LRRTM4: variants seen among roughly 807,000 people sequenced by gnomAD.
The protein encoded by LRRTM4 is leucine-rich repeat transmembrane neuronal protein 4.
Under a neutral mutation model 47.6 loss-of-function variants are expected in LRRTM4, and 25 were observed. The observed-to-expected ratio is 0.53, with a 90% CI of 0.38 to 0.73. The LOEUF (loss-of-function observed/expected upper bound fraction) is 0.73. LRRTM4 is among the 30% of genes least tolerant of loss of function. The probability of loss-of-function intolerance (pLI) is 0.00; values close to 1 mark genes in which losing one functional copy is unlikely to be tolerated. For synonymous variants in LRRTM4, 311 were observed against 269.5 expected (o/e 1.15, Z -1.51); for missense variants, 638 against 713.4 (o/e 0.89, Z 1.20).
At chr2:77,159,054 G>A (rs1672636858) in intron 3 of LRRTM4, among the ~76,000 whole-genome samples, 1 of 152,010 alleles carries the variant, frequency 6.6e-6, no homozygotes, top group South Asian at 2.1e-4. Context: ...TTTAACAGTT[G>A]CTAAATTTGA....
At chr2:77,081,044 G>C (rs1680512393) in intron 3 of LRRTM4, among the ~76,000 whole-genome samples, 1 of 152,022 alleles carries the variant, frequency 6.6e-6, no homozygotes, top group Admixed American at 6.6e-5. Context: ...ATTTCTCAAT[G>C]CCTCCCATGC....
At chr2:76,951,508 C>T (rs1440447829) in intron 3 of LRRTM4, among the ~76,000 whole-genome samples, 6 of 151,636 alleles carry the variant, frequency 4.0e-5, no homozygotes, top group Non-Finnish European at 8.8e-5. Context: ...TTTGTTTGTT[C>T]CAAATAATAT....
At chr2:76,792,455 T>C (rs900922874) in intron 3 of LRRTM4, among the ~76,000 whole-genome samples, 2 of 152,118 alleles carry the variant, frequency 1.3e-5, no homozygotes, top group African/African-American at 4.8e-5. Flanking sequence ...ACTATGGTAA[T>C]CCAAAGATAG....
At chr2:77,026,934 C>T (rs1460653256) in intron 3 of LRRTM4, among the ~76,000 whole-genome samples, 1 of 152,008 alleles carries the variant, frequency 6.6e-6, no homozygotes, top group African/African-American at 2.4e-5. Flanking sequence ...AAATATATGG[C>T]ACAACTTAAT....
chr2:77,519,060 G>T lies in LRRTM4; in HGVS notation c.809C>A (p.Pro270Gln). Residue 270 changes from proline to glutamine, a missense_variant, in exon 3 of 4, where the codon CCG (proline) becomes CAG (glutamine). Coordinates refer to ENST00000409884, the MANE Select transcript of LRRTM4 (RefSeq NM_001134745.3). This position sits in a 1 kb window ranked among gnomAD's most constrained non-coding sequence, Gnocchi z 4.6. ...LSGNDIQGIE[P>Q]GTFKCLPNLQ... ...ATTGGGGAGGCATTTAAATGTGCCC[G>T]GCTCAATTCCTTGGATGTCATTCCC... is the stretch of plus-strand genomic sequence containing the variant. 1 of 1,612,450 alleles carries T rather than the reference G, an allele frequency of 6.2e-7. No homozygotes were observed. The highest frequency in any genetic ancestry group is 2.2e-5 in the East Asian group (1 of 44,768).
intron 3 of LRRTM4, among the ~76,000 whole-genome samples, chr2:77,012,676 C>A (rs2104072382): frequency 6.6e-6 from 1 of 152,130 alleles, no homozygotes; most frequent in Non-Finnish European, 1.5e-5. Context: ...GAACTGGGAC[C>A]CAGAAGCATG....
At chr2:77,401,514 C>T (rs1429625781) in intron 3 of LRRTM4, among the ~76,000 whole-genome samples, 2 of 151,758 alleles carry the variant, frequency 1.3e-5, no homozygotes, top group Admixed American at 6.6e-5. Flanking sequence ...AGAATATAAG[C>T]CATAGACTTT....
chr2:76,918,689 A>G (rs1043722441), intron 3 of LRRTM4, among the ~76,000 whole-genome samples: 5 of 152,068 alleles, frequency 3.3e-5, no homozygotes, highest in Non-Finnish European at 5.9e-5. Context: ...TTTTTTCTTA[A>G]TAACAGCCTA....
At chr2:77,436,160 A>G (rs1369707105) in intron 3 of LRRTM4, among the ~76,000 whole-genome samples, 4 of 152,182 alleles carry the variant, frequency 2.6e-5, no homozygotes, top group Admixed American at 6.5e-5. Context: ...TTGATAAAAC[A>G]TGCTGCATAT....
chr2:76,947,304 T>C (rs1390898386), intron 3 of LRRTM4, among the ~76,000 whole-genome samples: 3 of 151,874 alleles, frequency 2.0e-5, no homozygotes, highest in Non-Finnish European at 4.4e-5. Context: ...ATTAACACTA[T>C]CTTCATTTTA....
intron 3 of LRRTM4, among the ~76,000 whole-genome samples, chr2:77,499,670 G>T (rs76059648): frequency 0.024 from 3,636 of 151,896 alleles, 77 homozygotes; most frequent in East Asian, 0.13. Context: ...TTACGACTAA[G>T]CCTATTTTAT....
chr2:76,979,841 T>C (rs977579351), intron 3 of LRRTM4, among the ~76,000 whole-genome samples: 22 of 151,980 alleles, frequency 1.4e-4, no homozygotes, highest in Admixed American at 1.4e-3. Context: ...TTTAGATTCC[T>C]ATCTGGTTTC....
At chr2:76,754,749 TAAC>T (rs1325938623) in intron 3 of LRRTM4, among the ~76,000 whole-genome samples, 1 of 152,180 alleles carries the variant, frequency 6.6e-6, no homozygotes, top group African/African-American at 2.4e-5. Context: ...TTGACCACTA[TAAC>T]ACAGTGACAG....
chr2:76,854,851 G>A lies in LRRTM4; in HGVS notation c.1552-105935C>T, dbSNP rs373040430. Among the ~76,000 whole-genome samples, 11 of 149,268 alleles carry A rather than the reference G, an allele frequency of 7.4e-5. No homozygotes were observed. The East Asian group carries it at 9.8e-4, about 13-fold the overall frequency. On this transcript the variant is annotated intron_variant, in intron 3 of 3. Transcript: ENST00000409884. ...CACAGAGCTAAAATTCTATAAGGGC[G>A]AGAAAGACCATCAACAATCAACATA...
chr2:76,822,355 C>A (rs940812206), intron 3 of LRRTM4, among the ~76,000 whole-genome samples: 1 of 151,064 alleles, frequency 6.6e-6, no homozygotes, highest in African/African-American at 2.4e-5. Flanking sequence ...CTAGCGAAAA[C>A]AGAAATAAAC....
At chr2:77,344,458 C>T (rs1398940766) in intron 3 of LRRTM4, among the ~76,000 whole-genome samples, 1 of 151,490 alleles carries the variant, frequency 6.6e-6, no homozygotes, top group Non-Finnish European at 1.5e-5. Context: ...GGAAAAAATT[C>T]AATGAAACTG....
chr2:77,362,115 G>GAGAAAGAAAGAGAGAAAGAA (rs1553434347), intron 3 of LRRTM4, among the ~76,000 whole-genome samples: 87 of 98,836 alleles, frequency 8.8e-4, no homozygotes, highest in African/African-American at 4.0e-3. Context: ...GAAAGAAAGA[G>GAGAAAGAAAGAGAGAAAGAA]AGAAAGAAAG....
chr2:77,001,070 AT>A (rs1410112878), intron 3 of LRRTM4, among the ~76,000 whole-genome samples: 1 of 152,172 alleles, frequency 6.6e-6, no homozygotes, highest in Non-Finnish European at 1.5e-5. Context: ...TGTGTTCAGT[AT>A]ATTTAAGCTA....
chr2:77,264,310 G>C (rs1675994785), intron 3 of LRRTM4, among the ~76,000 whole-genome samples: 1 of 152,074 alleles, frequency 6.6e-6, no homozygotes, highest in South Asian at 2.1e-4. Context: ...AAGCGAGAGA[G>C]AGGGAGAGAG....
Sources: gnomAD v4.1 joint callset for allele counts (sites outside exome capture counted in the v4.1 genomes callset) on GRCh38, gnomAD v4.1.1 for gene constraint, Gnocchi (gnomAD v3.1) non-coding constraint, MANE v1.5 for transcripts, NCBI Gene and HGNC (gene_info 2026-07-23, HGNC 2026-07-21) for gene names.